C11orf21: variants seen among roughly 807,000 people sequenced by gnomAD.
The protein encoded by C11orf21 is uncharacterized protein C11orf21.
Under a neutral mutation model 15.2 loss-of-function variants are expected in C11orf21, and 19 were observed. That is an observed-to-expected ratio of 1.25 (90% CI 0.87 to 1.84). The LOEUF is 1.84. Ranked by LOEUF, C11orf21 falls within the 40% of genes most tolerant of loss-of-function variation. C11orf21 has a pLI of 0.00. For synonymous variants in C11orf21, 62 were observed against 66.8 expected, an observed-to-expected ratio of 0.93 and a Z score of 0.35; for missense variants, 171 against 174.4, an observed-to-expected ratio of 0.98 and a Z score of 0.11.
upstream of C11orf21, chr11:2,301,922 G>A: frequency 2.0e-6 from 3 of 1,531,914 alleles, no homozygotes; most frequent in South Asian, 1.2e-5. Flanking sequence ...CTGGGCTGGG[G>A]GCACCAGGGT....
At chr11:2,302,604 G>A, upstream of C11orf21, 3 of 567,176 alleles carry the variant, frequency 5.3e-6, no homozygotes, top group Non-Finnish European at 9.4e-6. Context: ...CTGGGTGTCT[G>A]GGGAAGCTGG....
Position 2,301,745 on chromosome 11 carries a change from G to A in C11orf21, c.53+11C>T, listed in dbSNP as rs1370869297. 8.4e-6 allele frequency: 13 copies of A among 1,545,146 alleles called. No individual in the cohort carries two copies. Among genetic ancestry groups the A allele is most frequent in the South Asian group, 4.8e-5 (4 of 83,864 alleles). On this transcript the variant is annotated intron_variant, in intron 1 of 3. Coordinates refer to ENST00000381153, the MANE Select transcript of C11orf21 (RefSeq NM_001329958.2). ...GTCCACACTTGCTCACTCCCAGGACGGGGAGCTCACCTCCTCCTCCCCGGG... is the reference window on the plus strand; with the variant it reads ...GTCCACACTTGCTCACTCCCAGGACAGGGAGCTCACCTCCTCCTCCCCGGG...
upstream of C11orf21, chr11:2,301,921 G>A (rs991723432): frequency 1.3e-6 from 2 of 1,531,336 alleles, no homozygotes; most frequent in East Asian, 4.9e-5. Context: ...GCTGGGCTGG[G>A]GGCACCAGGG....
At chr11:2,298,994 A>C (rs74048209) in intron 3 of C11orf21, among the ~76,000 whole-genome samples, 29,148 of 151,894 alleles carry the variant, frequency 0.19, 2,918 homozygotes, top group African/African-American at 0.26. Flanking sequence ...TGCCCCAGAA[A>C]CTCCCTTGGT....
chr11:2,302,148 T>C, upstream of C11orf21: 1 of 1,453,536 alleles, frequency 6.9e-7, no homozygotes, highest in Non-Finnish European at 9.1e-7. Context: ...AGAGGAACCG[T>C]CATGGGGCCT....
At chr11:2,302,027 A>G, upstream of C11orf21, 2 of 1,490,926 alleles carry the variant, frequency 1.3e-6, no homozygotes, top group Non-Finnish European at 1.8e-6. Flanking sequence ...CGATGTTGAC[A>G]GACAGACAGA....
At chr11:2,298,064 A>C (rs975671856) in intron 3 of C11orf21, 143 bp from the exon 4 acceptor site, 1 of 152,180 alleles carries the variant, frequency 6.6e-6, no homozygotes, top group African/African-American at 2.4e-5. Flanking sequence ...TCCTAACACT[A>C]TCTCATTGCG....
At chr11:2,302,987 G>A (rs113860812), upstream of C11orf21, 268 of 1,591,312 alleles carry the variant, frequency 1.7e-4, no homozygotes, top group African/African-American at 2.5e-3. Context: ...TGGCTGCATC[G>A]GGAGGGGCCT....
rs890156607 is a variant in C11orf21 at position 2,296,019 on chromosome 11, A to C, written c.*1931T>G. On this transcript the variant is annotated 3_prime_UTR_variant, in exon 4 of 4. Coordinates refer to ENST00000381153, the MANE Select transcript of C11orf21 (RefSeq NM_001329958.2). The surrounding 1 kb of genome is among the most constrained non-coding windows in gnomAD (Gnocchi z 5.6). ...TATCTGGAACAGCAGTTGCAATTGG[A>C]GTCCTGGTTAAGTTTACCAGGATTC... The C allele has an allele frequency of 2.0e-5, 3 of 152,294 alleles. No homozygotes were observed. The highest frequency in any genetic ancestry group is 6.8e-3 in the Middle Eastern group (2 of 294). The allele number at this position is 152,294 out of a possible 1,614,324, so 9.4% of individuals were successfully genotyped here.
chr11:2,302,314 C>T, upstream of C11orf21: 3 of 1,223,680 alleles, frequency 2.5e-6, no homozygotes, highest in African/African-American at 1.5e-5. Context: ...CCCTGACACA[C>T]ACACCAGCCC....
chr11:2,299,795 C>A, intron 2 of C11orf21, 88 bp from the exon 3 acceptor site: 14 of 1,498,334 alleles, frequency 9.3e-6, no homozygotes, highest in South Asian at 6.3e-5. Context: ...AAGTCCCTGG[C>A]GGGTAAACAC....
upstream of C11orf21, chr11:2,302,124 G>A (rs2133277819): frequency 1.4e-6 from 2 of 1,467,762 alleles, no homozygotes; most frequent in Non-Finnish European, 1.8e-6. Flanking sequence ...GAAGGGAGGG[G>A]AGGAGAGGAG....
upstream of C11orf21, chr11:2,302,357 T>C (rs941345750): frequency 3.1e-6 from 3 of 980,610 alleles, no homozygotes; most frequent in South Asian, 6.0e-5. Context: ...CAGACATGTG[T>C]CCTGCCCTTG....
upstream of C11orf21, chr11:2,302,063 G>A: frequency 6.7e-7 from 1 of 1,495,884 alleles, no homozygotes; most frequent in Non-Finnish European, 8.9e-7. Context: ...TACCTCCTGG[G>A]CAGTGAGCTG....
At chr11:2,300,109 AG>A (rs1847652846) in intron 2 of C11orf21, among the ~76,000 whole-genome samples, 1 of 24,428 alleles carries the variant, frequency 4.1e-5, no homozygotes. Context: ...GGGGTTTGTG[AG>A]GGTGGGCAGG....
rs562060015 is a variant in C11orf21 at position 2,299,583 on chromosome 11, C to A, written c.272G>T (p.Cys91Phe). The change falls in exon 3 of 4, where the codon TGC (cysteine) becomes TTC (phenylalanine). Residue 91 changes from cysteine (C) to phenylalanine (F), a missense_variant. Coordinates refer to ENST00000381153, the MANE Select transcript of C11orf21 (RefSeq NM_001329958.2). ...HPALHWLACC[C>F]CLSLPGQLPL... Reference sequence around the variant, plus strand: ...CAACTGCCCAGGTAAACTGAGACAGCAGCAGCAGGCAAGCCAGTGCAGAGC... The same window carrying A: ...CAACTGCCCAGGTAAACTGAGACAGAAGCAGCAGGCAAGCCAGTGCAGAGC... 2.6e-4 allele frequency: 399 copies of A among 1,550,870 alleles called. 1 individual carries two copies. The South Asian group carries it at 4.6e-3, about 18-fold the overall frequency.
chr11:2,301,606 A>G (rs1847750782), intron 1 of C11orf21, 150 bp downstream of exon 1: 2 of 678,414 alleles, frequency 2.9e-6, no homozygotes, highest in African/African-American at 3.7e-5. Context: ...CGACCTTCTC[A>G]AAACTTAAGC....
intron 2 of C11orf21, 56 bp from the exon 3 acceptor site, chr11:2,299,763 C>T (rs1345090688): frequency 1.3e-6 from 2 of 1,542,888 alleles, no homozygotes; most frequent in Non-Finnish European, 1.8e-6. Context: ...CAGGAATTCA[C>T]AGGAAGGAGA....
chr11:2,302,708 C>T (rs865981364), upstream of C11orf21: 55 of 706,678 alleles, frequency 7.8e-5, no homozygotes, highest in Middle Eastern at 9.8e-4. Context: ...ACGGAAACAC[C>T]GGGAATCCCT....
Sources: gnomAD v4.1 joint callset for allele counts (sites outside exome capture counted in the v4.1 genomes callset) on GRCh38, gnomAD v4.1.1 for gene constraint, Gnocchi (gnomAD v3.1) non-coding constraint, MANE v1.5 for transcripts, NCBI Gene and HGNC (gene_info 2026-07-23, HGNC 2026-07-21) for gene names.